EDEM3: variants seen among roughly 807,000 people sequenced by gnomAD.
EDEM3 encodes ER degradation-enhancing alpha-mannosidase-like protein 3.
In EDEM3, 60 loss-of-function variants were observed where a neutral mutation model predicts 110.2. That is an observed-to-expected ratio of 0.54 (90% CI 0.44 to 0.67). The LOEUF (loss-of-function observed/expected upper bound fraction) is 0.67, where lower values mean the gene tolerates loss of function less well. Ranked by LOEUF, EDEM3 falls within the 30% of genes least tolerant of loss-of-function variation. EDEM3 has a pLI of 0.00. For missense variants in EDEM3, 996 were observed against 1,121.0 expected (o/e 0.89, Z 1.59); for synonymous variants, 352 against 382.9 (o/e 0.92, Z 0.94).
chr1:184,754,822 G>T lies in EDEM3; in HGVS notation c.-176C>A, dbSNP rs912042861. 15 of 1,073,746 alleles carry T rather than the reference G, an allele frequency of 1.4e-5. No individual in the cohort carries two copies. The highest frequency in any genetic ancestry group is 1.9e-5 in the Non-Finnish European group (15 of 791,988). 66.5% of individuals were successfully genotyped at this position (1,073,746 alleles called of 1,614,324 possible). On this transcript the variant is annotated 5_prime_UTR_variant, in exon 1 of 20. In the 5' UTR this introduces an upstream ATG that the reference lacks. Coordinates refer to ENST00000318130, the MANE Select transcript of EDEM3 (RefSeq NM_025191.4). ...GCCACCAAGCCGGTCCCCAGCGCCA[G>T]CGCTGCCACCGCCCTCCGCCCTCAG...
chr1:184,710,394 T>G lies in EDEM3; in HGVS notation c.1845A>C (p.Gln615His). 5 of 1,613,726 alleles carry G rather than the reference T, an allele frequency of 3.1e-6. No individual in the cohort carries two copies. Among genetic ancestry groups the G allele is most frequent in the Non-Finnish European group, 3.4e-6 (4 of 1,179,764 alleles). The change falls in exon 16 of 20, where the codon CAA becomes CAC. Residue 615 changes from glutamine (Q) to histidine (H), a missense_variant and splice_region_variant. Around this residue, in one of 5 missense-constraint regions of EDEM3, gnomAD observed 345 missense variants for 402.0 expected, o/e 0.86. Coordinates refer to ENST00000318130, the MANE Select transcript of EDEM3 (RefSeq NM_025191.4). ...TCTAATTAGTGTAGCAATGTCTTAC[T>G]TGGATTGCATGTTGGACCAACTGGA... Reference protein sequence around the residue: ...GRVQLVQHAIQAASSIDAEDG... With the variant: ...GRVQLVQHAIHAASSIDAEDG...
chr1:184,734,509 C>G lies in EDEM3; in HGVS notation c.458+22G>C, dbSNP rs190789981. 6.1e-6 allele frequency: 6 copies of G among 979,200 alleles called. No individual in the cohort carries two copies. In the Admixed American group the frequency reaches 1.5e-4, roughly 24 times the overall value. The allele number at this position is 979,200 out of a possible 1,614,324, so 60.7% of individuals were successfully genotyped here. A position where few individuals can be genotyped will look rare whatever the true frequency, so the allele number is the denominator to read the frequency against. On this transcript the variant is annotated intron_variant, in intron 5 of 19. Transcript: ENST00000318130. ...AAATAAAAATAAAATAAAATTATAGCTTTAGTGTCTTTCATACTTACCCAA... is the reference window on the plus strand; with the variant it reads ...AAATAAAAATAAAATAAAATTATAGGTTTAGTGTCTTTCATACTTACCCAA...
chr1:184,694,580 G>T, intron 19 of EDEM3, 108 bp from the exon 20 acceptor site: 2 of 1,088,750 alleles, frequency 1.8e-6, no homozygotes, highest in Non-Finnish European at 1.3e-6. Context: ...ACGTGAAAGA[G>T]ACTCATGTTA....
chr1:184,753,104 A>G (rs934386585), intron 1 of EDEM3, among the ~76,000 whole-genome samples: 1 of 152,152 alleles, frequency 6.6e-6, no homozygotes, highest in Admixed American at 6.5e-5. Context: ...ACTCTTTGCA[A>G]TGATTTAAAG....
At chr1:184,731,857 G>A (rs1250744362) in intron 6 of EDEM3, among the ~76,000 whole-genome samples, 3 of 152,166 alleles carry the variant, frequency 2.0e-5, no homozygotes, top group Non-Finnish European at 4.4e-5. Context: ...AACATGGATG[G>A]AAGTGGAGGG....
Position 184,732,974 on chromosome 1 carries a change from G to A in EDEM3, c.475C>T (p.His159Tyr). ...TCTTTCAGCATGATTGCCAGGGAGT[G>A]CCCACCCAAAAGACCCCTAGGATCA... ...IRVLGGLLGG[H>Y]SLAIMLKEKG... Residue 159 changes from histidine (H) to tyrosine (Y), a missense_variant, in exon 6 of 20, where the codon CAC becomes TAC. Physicochemically the swap from His to Tyr is moderately conservative, Grantham distance 83. Around this residue, in one of 5 missense-constraint regions of EDEM3, gnomAD observed 310 missense variants for 394.6 expected, o/e 0.79. Coordinates refer to ENST00000318130, the MANE Select transcript of EDEM3 (RefSeq NM_025191.4). 6.2e-7 allele frequency: 1 copy of A among 1,613,268 alleles called. No homozygotes were observed. The highest frequency in any genetic ancestry group is 8.5e-7 in the Non-Finnish European group (1 of 1,179,564).
In EDEM3 at chr1:184,704,649, C is replaced by CAAAAAAAAA. The variant is rs58913815; in HGVS notation, c.2204-1662_2204-1654dup. Among the ~76,000 whole-genome samples the CAAAAAAAAA allele has an allele frequency of 2.6e-3, 78 of 29,916 alleles. 2 individuals carry two copies. Among genetic ancestry groups the CAAAAAAAAA allele is most frequent in the African/African-American group, 3.3e-3 (31 of 9,340 alleles). The allele number at this position is 29,916 out of a possible 152,430, so 19.6% of individuals were successfully genotyped here. On this transcript the variant is annotated intron_variant, in intron 18 of 19. Transcript: ENST00000318130. ...TGGGTGACAAAGCAAGACTCTGTCT[C>CAAAAAAAAA]AAAAAAAAAAAAAAAAAAAAAAAAA... is the stretch of plus-strand genomic sequence containing the variant.
chr1:184,719,068 A>T, intron 11 of EDEM3, 94 bp downstream of exon 11: 1 of 618,620 alleles, frequency 1.6e-6, no homozygotes, highest in Non-Finnish European at 2.6e-6. Context: ...GACATTTTCT[A>T]CCTTTATATT....
At chr1:184,729,577 T>C (rs1008148148) in intron 6 of EDEM3, among the ~76,000 whole-genome samples, 4 of 152,310 alleles carry the variant, frequency 2.6e-5, no homozygotes, top group African/African-American at 9.6e-5. Flanking sequence ...GTACAGTACA[T>C]TCTTCTGAGT....
chr1:184,725,503 T>C (rs760285120), intron 7 of EDEM3, among the ~76,000 whole-genome samples: 4 of 152,110 alleles, frequency 2.6e-5, no homozygotes, highest in African/African-American at 4.8e-5. Context: ...CTTGAGACAT[T>C]TGAACATACA....
chr1:184,706,742 C>A lies in EDEM3; in HGVS notation c.2104G>T (p.Val702Leu). The change falls in exon 18 of 20, where the codon GTG becomes TTG. Residue 702 changes from valine (V) to leucine (L), a missense_variant. Around this residue, in one of 5 missense-constraint regions of EDEM3, gnomAD observed 345 missense variants for 402.0 expected, o/e 0.86. Transcript: ENST00000318130. The part of the protein sequence containing the change: ...GCSELTNPEA[V>L]MGKIALIQRG... ...TGTATCAGTGCGATTTTTCCCATCA[C>A]TGCCTCTGGGTTAGTAAGCTCTGAA... 1 of 1,613,970 alleles carries A rather than the reference C, an allele frequency of 6.2e-7. No individual in the cohort carries two copies. The highest frequency in any genetic ancestry group is 8.5e-7 in the Non-Finnish European group (1 of 1,179,936).
intron 17 of EDEM3, 148 bp from the exon 18 acceptor site, chr1:184,706,956 G>C: frequency 1.2e-6 from 1 of 856,640 alleles, no homozygotes. Flanking sequence ...ATAAAATATT[G>C]TTTTAAACAT....
chr1:184,750,808 C>T (rs560325834), intron 1 of EDEM3, among the ~76,000 whole-genome samples: 40 of 152,212 alleles, frequency 2.6e-4, no homozygotes, highest in Admixed American at 2.4e-3. Flanking sequence ...TTACCACGCC[C>T]GGCCTATTAA....
Position 184,754,574 on chromosome 1 carries a change from T to C in EDEM3, c.73A>G (p.Thr25Ala). 3 of 1,609,608 alleles carry C rather than the reference T, an allele frequency of 1.9e-6. No individual in the cohort carries two copies. The highest frequency in any genetic ancestry group is 2.2e-5 in the East Asian group (1 of 44,752). ...GCCGACACCAGGCAGAACGCGGCCG[T>C]CGCCGCCACTAGTCTCCATCGCGCT... is the stretch of plus-strand genomic sequence containing the variant. The part of the protein sequence containing the change: ...QRARWRLVAA[T>A]AAFCLVSATS... Residue 25 changes from threonine (T) to alanine (A), a missense_variant, in exon 1 of 20, where the codon ACG becomes GCG. This residue lies in a region of EDEM3 where 200 missense variants were observed against 183.8 expected (regional missense o/e 1.09). Coordinates refer to ENST00000318130, the MANE Select transcript of EDEM3 (RefSeq NM_025191.4).
rs147654929 is a variant in EDEM3, at chr1:184,708,329, C to T, written c.1861G>A (p.Asp621Asn). 9.9e-6 allele frequency: 16 copies of T among 1,611,344 alleles called. No individual in the cohort carries two copies. Among genetic ancestry groups the T allele is most frequent in the Non-Finnish European group, 1.3e-5 (15 of 1,179,378 alleles). The stretch of plus-strand genomic sequence containing the variant: ...ATGAACCTCAACCCATCTTCAGCGT[C>T]GATTGAACTAGCAGCCTATGAAAAA... The part of the protein sequence containing the change: ...QHAIQAASSI[D>N]AEDGLRFMQE... The change falls in exon 17 of 20, where the codon GAC becomes AAC. Residue 621 changes from aspartate (D) to asparagine (N), a missense_variant. Asp to Asn is a conservative substitution (Grantham distance 23, BLOSUM62 1). This residue lies in a region of EDEM3 where 345 missense variants were observed against 402.0 expected (regional missense o/e 0.86). Coordinates refer to ENST00000318130, the MANE Select transcript of EDEM3 (RefSeq NM_025191.4).
At chr1:184,711,603 A>C in intron 15 of EDEM3, 120 bp downstream of exon 15, 2 of 765,432 alleles carry the variant, frequency 2.6e-6, no homozygotes, top group Non-Finnish European at 3.8e-6. Context: ...ATAGCTACAT[A>C]CCTCAACATT....
At chr1:184,703,118 C>A in intron 18 of EDEM3, 122 bp from the exon 19 acceptor site, 2 of 824,288 alleles carry the variant, frequency 2.4e-6, no homozygotes, top group Non-Finnish European at 3.5e-6. Flanking sequence ...ACCATAAAAA[C>A]CAACATAATT....
chr1:184,699,158 T>C (rs897915501), intron 19 of EDEM3, among the ~76,000 whole-genome samples: 34 of 151,842 alleles, frequency 2.2e-4, no homozygotes, highest in Admixed American at 2.0e-3. Flanking sequence ...GGCAAAGACT[T>C]AGAGATTGGA....
chr1:184,721,266 A>G (rs780963271), intron 9 of EDEM3, 23 bp downstream of exon 9: 6 of 1,549,874 alleles, frequency 3.9e-6, no homozygotes, highest in Non-Finnish European at 5.3e-6. Flanking sequence ...TTGATTATAA[A>G]ATATAAAATT....
Sources: allele counts gnomAD v4.1 joint callset (sites outside exome capture counted in the v4.1 genomes callset), GRCh38; gene constraint gnomAD v4.1.1; regional missense constraint gnomAD v4.1.1; transcripts MANE v1.5; gene names NCBI Gene and HGNC (gene_info 2026-07-23, HGNC 2026-07-21).